ARHGEF28: variants seen among roughly 807,000 people sequenced by gnomAD.
ARHGEF28 encodes the protein Rho guanine nucleotide exchange factor 28, also known as 190 kDa guanine nucleotide exchange factor.
ARHGEF28 carries 152 observed loss-of-function variants against 206.6 expected under a neutral mutation model. The observed-to-expected ratio is 0.74, with a 90% CI of 0.64 to 0.84. The LOEUF (loss-of-function observed/expected upper bound fraction) is 0.84. Ranked by LOEUF, ARHGEF28 falls within the 40% of genes least tolerant of loss-of-function variation. The pLI is 0.00. For synonymous variants in ARHGEF28, 763 were observed against 776.4 expected (o/e 0.98, Z 0.29); for missense variants, 2,028 against 2,073.2 (o/e 0.98, Z 0.42).
intron 1 of ARHGEF28, among the ~76,000 whole-genome samples, chr5:73,633,328 C>A (rs1226076733): frequency 6.6e-6 from 1 of 152,052 alleles, no homozygotes; most frequent in Non-Finnish European, 1.5e-5. Flanking sequence ...CAGATCTGTC[C>A]CCCTTTCTTC....
At chr5:73,929,347 A>G (rs993323677) in intron 35 of ARHGEF28, among the ~76,000 whole-genome samples, 1 of 152,188 alleles carries the variant, frequency 6.6e-6, no homozygotes, top group Non-Finnish European at 1.5e-5. Context: ...TTATTCATCC[A>G]TAAGCATTTC....
At chr5:73,772,047 T>C (rs1049234405) in intron 4 of ARHGEF28, among the ~76,000 whole-genome samples, 1 of 152,344 alleles carries the variant, frequency 6.6e-6, no homozygotes, top group South Asian at 2.1e-4. Context: ...GATGAGTTCA[T>C]TTACATATTT....
chr5:73,690,812 A>G (rs1284797067), intron 2 of ARHGEF28, among the ~76,000 whole-genome samples: 1 of 152,194 alleles, frequency 6.6e-6, no homozygotes, highest in African/African-American at 2.4e-5. Flanking sequence ...GGTTCCGAAG[A>G]TTTTTCCATT....
chr5:73,799,514 C>G lies in ARHGEF28; in HGVS notation c.1024+4123C>G, dbSNP rs551067620. 2.6e-5 allele frequency among the ~76,000 whole-genome samples: 4 copies of G among 152,256 alleles called. No individual in the cohort carries two copies. The East Asian group carries it at 7.7e-4, about 29-fold the overall frequency. ...GGGGGAATTACAGAAGCTCCTGGAA[C>G]ATGATGCTCCTGTTCTTTCATCGAA... On this transcript the variant is annotated intron_variant, in intron 9 of 35. Transcript: ENST00000513042.
chr5:73,738,109 G>A (rs113587327), intron 2 of ARHGEF28, among the ~76,000 whole-genome samples: 1 of 152,210 alleles, frequency 6.6e-6, no homozygotes, highest in African/African-American at 2.4e-5. Flanking sequence ...TTTAGGGGGA[G>A]TTCATTGATT....
At chr5:73,784,665 G>A (rs1484031870) in intron 7 of ARHGEF28, among the ~76,000 whole-genome samples, 1 of 152,112 alleles carries the variant, frequency 6.6e-6, no homozygotes, top group Non-Finnish European at 1.5e-5. Flanking sequence ...ATCTTTGGGG[G>A]ATAAGTTCCA....
At chr5:73,861,738 C>T (rs898720371) in intron 16 of ARHGEF28, among the ~76,000 whole-genome samples, 2 of 152,068 alleles carry the variant, frequency 1.3e-5, no homozygotes, top group African/African-American at 4.8e-5. Flanking sequence ...TCATTGTCCA[C>T]ATATTTGGTG....
chr5:73,831,793 G>A (rs931180063), intron 9 of ARHGEF28, among the ~76,000 whole-genome samples: 6 of 152,250 alleles, frequency 3.9e-5, no homozygotes, highest in Non-Finnish European at 8.8e-5. Context: ...CCAGGTTCAA[G>A]TGCTTCTCCT....
intron 35 of ARHGEF28, among the ~76,000 whole-genome samples, chr5:73,937,183 A>C (rs112768500): frequency 6.6e-6 from 1 of 152,214 alleles, no homozygotes; most frequent in Non-Finnish European, 1.5e-5. Context: ...CCTGTCCCAC[A>C]TGCCCACAAA....
chr5:73,879,253 C>T (rs867463060), intron 22 of ARHGEF28, among the ~76,000 whole-genome samples: 11 of 152,314 alleles, frequency 7.2e-5, no homozygotes, highest in South Asian at 2.1e-4. Flanking sequence ...ATGTAGTTCT[C>T]GAGCCTTGGC....
intron 2 of ARHGEF28, among the ~76,000 whole-genome samples, chr5:73,703,803 C>T (rs1353628211): frequency 5.3e-5 from 8 of 151,872 alleles, no homozygotes; most frequent in East Asian, 1.9e-4. Flanking sequence ...TTTGGGAGGC[C>T]GAGGCGGGCA....
chr5:73,897,031 G>A (rs1761997071), intron 29 of ARHGEF28, among the ~76,000 whole-genome samples: 1 of 152,224 alleles, frequency 6.6e-6, no homozygotes, highest in African/African-American at 2.4e-5. Context: ...CAAAAAGCCA[G>A]TTCAGTAGTG....
At chr5:73,915,149 T>A (rs949053214) in intron 35 of ARHGEF28, among the ~76,000 whole-genome samples, 1 of 141,292 alleles carries the variant, frequency 7.1e-6, no homozygotes, top group African/African-American at 2.5e-5. Context: ...TTTTTATTGG[T>A]TTTTTTTTCT....
chr5:73,938,416 C>T (rs1225710855), intron 35 of ARHGEF28, among the ~76,000 whole-genome samples: 1 of 152,034 alleles, frequency 6.6e-6, no homozygotes, highest in Non-Finnish European at 1.5e-5. Flanking sequence ...TGAAGAAAAC[C>T]TACATAGATT....
In ARHGEF28 at chr5:73,904,420, C is replaced by T; in HGVS notation, c.4161+15C>T. The T allele has an allele frequency of 6.2e-7, 1 of 1,601,332 alleles. No homozygotes were observed. ...ACAGCCTTCAGGTAACTATCCTCCT[C>T]TAATCTTTGACCTTGTGAATGGTTC... is the stretch of plus-strand genomic sequence containing the variant. On this transcript the variant is annotated intron_variant, in intron 33 of 35. Transcript: ENST00000513042.
intron 1 of ARHGEF28, among the ~76,000 whole-genome samples, chr5:73,672,559 G>T (rs1418358872): frequency 6.6e-6 from 1 of 152,166 alleles, no homozygotes; most frequent in Non-Finnish European, 1.5e-5. Flanking sequence ...ATAGTGCTTT[G>T]CACATAGTAA....
At chr5:73,904,128 G>A in intron 31 of ARHGEF28, 94 bp from the exon 32 acceptor site, 1 of 1,242,300 alleles carries the variant, frequency 8.0e-7, no homozygotes, top group Non-Finnish European at 1.2e-6. Flanking sequence ...AGATAGCAAA[G>A]TGATTTACCC....
intron 35 of ARHGEF28, among the ~76,000 whole-genome samples, chr5:73,932,800 CTT>C (rs386404110): frequency 8.2e-5 from 6 of 73,436 alleles, no homozygotes; most frequent in African/African-American, 3.3e-4. Flanking sequence ...TTTCCTATTT[CTT>C]TTTTTTTTTT....
chr5:73,867,791 G>C (rs894635740), intron 18 of ARHGEF28, 85 bp from the exon 19 acceptor site: 3 of 1,565,972 alleles, frequency 1.9e-6, no homozygotes, highest in Non-Finnish European at 2.6e-6. Context: ...TCATTGCAGG[G>C]TTTAGCTTTC....
Sources: gnomAD v4.1 joint callset for allele counts (sites outside exome capture counted in the v4.1 genomes callset) on GRCh38, gnomAD v4.1.1 for gene constraint, MANE v1.5 for transcripts, NCBI Gene and HGNC (gene_info 2026-07-23, HGNC 2026-07-21) for gene names.